Variants in SULF2 observed in about 807,000 individuals in gnomAD.
SULF2 encodes the protein sulfatase 2.
Under a neutral mutation model 107.7 loss-of-function variants are expected in SULF2, and 52 were observed. The ratio of observed to expected loss-of-function variants is 0.48; its 90% CI spans 0.39 to 0.61. SULF2 has a LOEUF of 0.61. Among genes scored for constraint, SULF2 ranks in the 20% least tolerant of loss-of-function variants. The probability of loss-of-function intolerance (pLI) is 0.00; values close to 1 mark genes in which losing one functional copy is unlikely to be tolerated. For synonymous variants in SULF2, 460 were observed against 464.3 expected (o/e 0.99, Z 0.12); for missense variants, 993 against 1,177.3 (o/e 0.84, Z 2.29).
intron 1 of SULF2, among the ~76,000 whole-genome samples, chr20:47,762,093 C>A (rs2146931638): frequency 6.6e-6 from 1 of 152,318 alleles, no homozygotes; most frequent in South Asian, 2.1e-4. Context: ...TCCATTAAAT[C>A]TTTTTCTTTT....
chr20:47,705,678 T>C (rs1400052193), intron 3 of SULF2, among the ~76,000 whole-genome samples: 5 of 152,202 alleles, frequency 3.3e-5, no homozygotes, highest in Non-Finnish European at 7.3e-5. Flanking sequence ...TGTTGATATC[T>C]GGTGGGTGGA....
intron 1 of SULF2, among the ~76,000 whole-genome samples, chr20:47,775,298 A>C (rs548111990): frequency 6.6e-6 from 1 of 152,348 alleles, no homozygotes; most frequent in African/African-American, 2.4e-5. Context: ...ACTGCGAGGA[A>C]GCCCAAGTAG....
intron 3 of SULF2, among the ~76,000 whole-genome samples, chr20:47,704,617 A>G (rs544095973): frequency 1.3e-5 from 2 of 152,348 alleles, no homozygotes; most frequent in South Asian, 4.1e-4. Flanking sequence ...AGCCATATTT[A>G]AGAAATGGGA....
chr20:47,670,128 C>T (rs2087413584), intron 11 of SULF2, among the ~76,000 whole-genome samples: 1 of 152,166 alleles, frequency 6.6e-6, no homozygotes, highest in Non-Finnish European at 1.5e-5. Flanking sequence ...GATCACTGCG[C>T]CTGCCGTCAG....
At chr20:47,690,567 T>C (rs1314725786) in intron 4 of SULF2, among the ~76,000 whole-genome samples, 2 of 152,026 alleles carry the variant, frequency 1.3e-5, no homozygotes, top group African/African-American at 4.8e-5. Flanking sequence ...TTGCAATAGA[T>C]CACTTTAGAT....
rs1343860336 is a variant in SULF2 at position 47,771,497 on chromosome 20, A to G, written c.-101+13846T>C. ...CAAACCCAGAAAACCCCACAGAAGA[A>G]TAAGACCTCGTTTGGGGAAAAAGGC... On this transcript the variant is annotated intron_variant, in intron 1 of 20. Coordinates refer to ENST00000688720, the MANE Select transcript of SULF2 (RefSeq NM_001387048.1). Among the ~76,000 whole-genome samples the G allele has an allele frequency of 3.3e-5, 5 of 152,334 alleles. No homozygotes were observed. In the East Asian group the frequency reaches 5.8e-4, roughly 18 times the overall value.
Position 47,678,624 on chromosome 20 carries a change from C to T in SULF2, c.1193+52G>A. The T allele has an allele frequency of 1.2e-6, 2 of 1,605,454 alleles. No individual in the cohort carries two copies. Among genetic ancestry groups the T allele is most frequent in the East Asian group, 2.2e-5 (1 of 44,714 alleles). ...GACCCACAGGGTTTTGCTCTGAGTT[C>T]CCGCAGGTCAATGTCCCGGCCCCCT... On this transcript the variant is annotated intron_variant, in intron 8 of 20. Transcript: ENST00000688720. The surrounding 1 kb of genome is among the most constrained non-coding windows in gnomAD (Gnocchi z 4.5).
intron 3 of SULF2, among the ~76,000 whole-genome samples, chr20:47,704,398 GAGT>G (rs1156610318): frequency 6.6e-6 from 1 of 151,704 alleles, no homozygotes; most frequent in Admixed American, 6.6e-5. Flanking sequence ...TCATCCTCCC[GAGT>G]AGCTGGGACT....
At position 47,666,510 on chromosome 20, in the gene SULF2, C is replaced by T; in HGVS notation, c.1577-22G>A. 6.3e-7 allele frequency: 1 copy of T among 1,595,746 alleles called. No individual in the cohort carries two copies. ...TACTCTGTGGGCATTAGAGGAGTGG[C>T]AGAGTTAGGGAGGCAGGAAAGGCTG... On this transcript the variant is annotated intron_variant, in intron 11 of 20. Coordinates refer to ENST00000688720, the MANE Select transcript of SULF2 (RefSeq NM_001387048.1). This position sits in a 1 kb window ranked among gnomAD's most constrained non-coding sequence, Gnocchi z 5.4.
chr20:47,704,859 C>T (rs1194360896), intron 3 of SULF2, among the ~76,000 whole-genome samples: 1 of 152,164 alleles, frequency 6.6e-6, no homozygotes, highest in African/African-American at 2.4e-5. Context: ...GAGGTGAACC[C>T]CCAGAGGAAG....
intron 1 of SULF2, among the ~76,000 whole-genome samples, chr20:47,772,771 G>T (rs1026439942): frequency 6.6e-6 from 1 of 152,132 alleles, no homozygotes; most frequent in African/African-American, 2.4e-5. Context: ...CGCCCTGTGC[G>T]TGGACGGCTA....
chr20:47,735,598 C>T (rs1398628288), intron 3 of SULF2, among the ~76,000 whole-genome samples: 1 of 152,158 alleles, frequency 6.6e-6, no homozygotes, highest in Admixed American at 6.5e-5. Flanking sequence ...TCTGCAGAGG[C>T]TCAGGGGAAC....
intron 3 of SULF2, among the ~76,000 whole-genome samples, chr20:47,703,373 T>C (rs1330935496): frequency 1.3e-5 from 2 of 152,244 alleles, no homozygotes; most frequent in Non-Finnish European, 2.9e-5. Flanking sequence ...TATGCTCATA[T>C]TGGAAGCAAA....
At chr20:47,765,809 C>G (rs1159771234) in intron 1 of SULF2, among the ~76,000 whole-genome samples, 2 of 152,158 alleles carry the variant, frequency 1.3e-5, no homozygotes, top group Non-Finnish European at 2.9e-5. Context: ...GACCCCAGAG[C>G]CTACTCTTTT....
chr20:47,720,548 C>CT (rs11303096), intron 3 of SULF2, among the ~76,000 whole-genome samples: 24,550 of 143,240 alleles, frequency 0.17, 2,093 homozygotes, highest in East Asian at 0.25. Flanking sequence ...CTATCATAAT[C>CT]TTTTTTTTTT....
chr20:47,704,417 C>T (rs575189945), intron 3 of SULF2, among the ~76,000 whole-genome samples: 8 of 152,128 alleles, frequency 5.3e-5, no homozygotes, highest in East Asian at 1.9e-4. Context: ...GGACTACAGG[C>T]GCATGCCACC....
At chr20:47,774,149 T>A (rs1469141917) in intron 1 of SULF2, among the ~76,000 whole-genome samples, 1 of 152,158 alleles carries the variant, frequency 6.6e-6, no homozygotes, top group Non-Finnish European at 1.5e-5. Flanking sequence ...GAGATGCGAG[T>A]GGAGTGCCTT....
chr20:47,675,335 G>T (rs1014376811), intron 10 of SULF2, among the ~76,000 whole-genome samples: 1 of 152,184 alleles, frequency 6.6e-6, no homozygotes, highest in African/African-American at 2.4e-5. Context: ...CCTGCGCCTA[G>T]GACAGTGCCT....
chr20:47,702,093 C>T (rs4810658), intron 4 of SULF2, among the ~76,000 whole-genome samples: 131,232 of 152,274 alleles, frequency 0.86, 57,020 homozygotes, highest in African/African-American at 0.97. Flanking sequence ...AGTCTTGCTC[C>T]GTCACCTAGG....
Sources: allele counts gnomAD v4.1 joint callset (sites outside exome capture counted in the v4.1 genomes callset), GRCh38; gene constraint gnomAD v4.1.1; non-coding constraint Gnocchi (gnomAD v3.1); transcripts MANE v1.5; gene names NCBI Gene and HGNC (gene_info 2026-07-23, HGNC 2026-07-21).